Variants in MACROD2 observed in about 807,000 individuals in gnomAD.
The protein encoded by MACROD2 is ADP-ribose glycohydrolase MACROD2.
A neutral mutation model predicts 70.4 loss-of-function variants in MACROD2; 36 were observed. That is an observed-to-expected ratio of 0.51 (90% CI 0.39 to 0.68). The LOEUF (loss-of-function observed/expected upper bound fraction) is 0.68. Ranked by LOEUF, MACROD2 falls within the 30% of genes least tolerant of loss-of-function variation. The pLI, the probability that MACROD2 is intolerant of heterozygous loss-of-function variation, is 0.00. For missense variants in MACROD2, 496 were observed against 538.4 expected, an observed-to-expected ratio of 0.92 and a Z score of 0.78; for synonymous variants, 172 against 178.8, an observed-to-expected ratio of 0.96 and a Z score of 0.30.
In MACROD2 at chr20:14,571,258, A is replaced by C. The variant is rs536466893; in HGVS notation, c.301+77750A>C. Among the ~76,000 whole-genome samples the C allele has an allele frequency of 5.9e-5, 9 of 152,196 alleles. No individual in the cohort carries two copies. The South Asian group carries it at 1.9e-3, about 32-fold the overall frequency. On this transcript the variant is annotated intron_variant, in intron 4 of 17. Coordinates refer to ENST00000684519, the MANE Select transcript of MACROD2 (RefSeq NM_001351661.2). ...GGTTATCTAGCACTGGTTATATTTA[A>C]GTCCCTAATAAATTTTAAGGTCATA... is the stretch of plus-strand genomic sequence containing the variant.
At chr20:15,098,985 C>A (rs151042869) in intron 5 of MACROD2, among the ~76,000 whole-genome samples, 11 of 152,326 alleles carry the variant, frequency 7.2e-5, no homozygotes, top group Admixed American at 3.9e-4. Flanking sequence ...AGCAGTAAGC[C>A]TATGAATTAG....
intron 5 of MACROD2, among the ~76,000 whole-genome samples, chr20:15,207,676 C>T (rs191110980): frequency 2.6e-5 from 4 of 151,588 alleles, no homozygotes; most frequent in African/African-American, 7.3e-5. Flanking sequence ...CTCCTGACCT[C>T]GTGATCTGCC....
chr20:14,083,916 C>T (rs1018823636), intron 2 of MACROD2, among the ~76,000 whole-genome samples: 1 of 151,666 alleles, frequency 6.6e-6, no homozygotes. Context: ...AAAAAACTAG[C>T]CGGGCCTGGT....
At chr20:14,653,877 G>A (rs961498625) in intron 4 of MACROD2, among the ~76,000 whole-genome samples, 3 of 152,236 alleles carry the variant, frequency 2.0e-5, no homozygotes, top group South Asian at 4.1e-4. Context: ...TGTTTTACAC[G>A]TTTTCCAGAG....
At chr20:15,509,032 G>T (rs1461428001) in intron 8 of MACROD2, among the ~76,000 whole-genome samples, 2 of 152,084 alleles carry the variant, frequency 1.3e-5, no homozygotes, top group East Asian at 1.9e-4. Context: ...CATTTGGAGG[G>T]TTATTTTTTT....
chr20:15,645,926 G>A (rs575148305), intron 8 of MACROD2, among the ~76,000 whole-genome samples: 4 of 152,318 alleles, frequency 2.6e-5, no homozygotes, highest in African/African-American at 9.6e-5. Context: ...GATATAAATG[G>A]TAGACATGGC....
chr20:14,508,779 A>T (rs2084997294), intron 4 of MACROD2, among the ~76,000 whole-genome samples: 2 of 152,196 alleles, frequency 1.3e-5, no homozygotes, highest in Admixed American at 6.5e-5. Context: ...AAATTAAAAC[A>T]ATTACACAGT....
chr20:15,202,233 C>G (rs1469150085), intron 5 of MACROD2, among the ~76,000 whole-genome samples: 2 of 152,154 alleles, frequency 1.3e-5, no homozygotes, highest in Non-Finnish European at 2.9e-5. Context: ...ATGATATACC[C>G]TCTGGTTCTT....
At chr20:15,246,370 G>A (rs12480498) in intron 6 of MACROD2, among the ~76,000 whole-genome samples, 4,905 of 152,220 alleles carry the variant, frequency 0.032, 303 homozygotes, top group East Asian at 0.18. Context: ...AGCAATCCAT[G>A]CCTTTACAAC....
chr20:15,848,758 C>T (rs2064263170), intron 8 of MACROD2, among the ~76,000 whole-genome samples: 1 of 152,098 alleles, frequency 6.6e-6, no homozygotes, highest in Non-Finnish European at 1.5e-5. Flanking sequence ...CCTTTTTCCT[C>T]AAGTGGTCTT....
At chr20:15,137,698 TTAAAG>T (rs1418601729) in intron 5 of MACROD2, among the ~76,000 whole-genome samples, 1 of 151,808 alleles carries the variant, frequency 6.6e-6, no homozygotes, top group Admixed American at 6.6e-5. Context: ...ACCCTAAAAC[TTAAAG>T]TATAATAATA....
intron 12 of MACROD2, among the ~76,000 whole-genome samples, chr20:15,958,142 T>C (rs896148460): frequency 6.6e-6 from 1 of 152,218 alleles, no homozygotes; most frequent in Non-Finnish European, 1.5e-5. Context: ...TTGGAAAATT[T>C]ATCAATATAT....
intron 3 of MACROD2, among the ~76,000 whole-genome samples, chr20:14,195,068 A>G (rs938875146): frequency 2.0e-5 from 3 of 152,180 alleles, no homozygotes; most frequent in African/African-American, 7.2e-5. Flanking sequence ...TTTAACTTGA[A>G]TTATTTTTAG....
At chr20:15,694,684 G>A (rs1600769701) in intron 8 of MACROD2, among the ~76,000 whole-genome samples, 1 of 152,126 alleles carries the variant, frequency 6.6e-6, no homozygotes, top group African/African-American at 2.4e-5. Flanking sequence ...TTACTCTGCT[G>A]ACTGTTCCTT....
chr20:14,120,213 CAA>C (rs71190112), intron 3 of MACROD2, among the ~76,000 whole-genome samples: 1 of 77,064 alleles, frequency 1.3e-5, no homozygotes, highest in East Asian at 4.2e-4. Flanking sequence ...GACTCCGTCT[CAA>C]AAAAAAAAAA....
intron 5 of MACROD2, among the ~76,000 whole-genome samples, chr20:15,193,933 T>C (rs1270380178): frequency 6.6e-6 from 1 of 151,898 alleles, no homozygotes; most frequent in Non-Finnish European, 1.5e-5. Context: ...GAAAATTGTT[T>C]ATACTGTGAA....
chr20:16,023,091 T>A (rs1368381491), intron 15 of MACROD2, among the ~76,000 whole-genome samples: 1 of 152,140 alleles, frequency 6.6e-6, no homozygotes, highest in Non-Finnish European at 1.5e-5. Context: ...TCTGTATATG[T>A]CACTGAGAAG....
At chr20:15,699,986 C>T (rs1442578104) in intron 8 of MACROD2, among the ~76,000 whole-genome samples, 1 of 152,174 alleles carries the variant, frequency 6.6e-6, no homozygotes, top group Non-Finnish European at 1.5e-5. Flanking sequence ...CTTGACTCAG[C>T]TCCAGGTAAA....
chr20:14,326,476 G>A lies in MACROD2; in HGVS notation c.272-167003G>A, dbSNP rs983233462. On this transcript the variant is annotated intron_variant, in intron 3 of 17. Transcript: ENST00000684519. The surrounding 1 kb of genome is among the most constrained non-coding windows in gnomAD (Gnocchi z 5.5). Reference sequence around the variant, plus strand: ...CAGTTCTGCATTGAGATCCTTAATAGCCATCCCACGAACCTTTTCTGGGGC... The same window carrying A: ...CAGTTCTGCATTGAGATCCTTAATAACCATCCCACGAACCTTTTCTGGGGC... 2 of 1,613,734 alleles carry A rather than the reference G, an allele frequency of 1.2e-6. No homozygotes were observed. Among genetic ancestry groups the A allele is most frequent in the African/African-American group, 1.3e-5 (1 of 74,880 alleles).
Sources: gnomAD v4.1 joint callset for allele counts (sites outside exome capture counted in the v4.1 genomes callset) on GRCh38, gnomAD v4.1.1 for gene constraint, Gnocchi (gnomAD v3.1) non-coding constraint, MANE v1.5 for transcripts, NCBI Gene and HGNC (gene_info 2026-07-23, HGNC 2026-07-21) for gene names.